Variants in SPATA13 observed in about 807,000 individuals in gnomAD.
SPATA13 encodes the protein spermatogenesis-associated protein 13.
A neutral mutation model predicts 104.0 loss-of-function variants in SPATA13; 50 were observed. The ratio of observed to expected loss-of-function variants is 0.48; its 90% confidence interval spans 0.38 to 0.61. SPATA13 has a LOEUF of 0.61. SPATA13 is among the 20% of genes least tolerant of loss of function. The pLI is 0.00. For synonymous variants in SPATA13, 606 were observed against 667.5 expected (o/e 0.91, Z 1.42); for missense variants, 1,524 against 1,690.6 (o/e 0.90, Z 1.73).
chr13:24,268,061 G>A (rs1874376868), intron 4 of SPATA13, among the ~76,000 whole-genome samples: 1 of 152,188 alleles, frequency 6.6e-6, no homozygotes, highest in Non-Finnish European at 1.5e-5. Context: ...CAAGGCCAGA[G>A]GATACTTTCT....
intron 4 of SPATA13, among the ~76,000 whole-genome samples, chr13:24,268,288 G>T (rs568695768): frequency 6.6e-6 from 1 of 152,280 alleles, no homozygotes; most frequent in South Asian, 2.1e-4. Context: ...TATTCCATGA[G>T]ATATACTTAG....
chr13:24,301,081 TAAG>T (rs1463558195), intron 12 of SPATA13, among the ~76,000 whole-genome samples: 1 of 152,190 alleles, frequency 6.6e-6, no homozygotes, highest in Non-Finnish European at 1.5e-5. Flanking sequence ...TCTGATGCAC[TAAG>T]ATTTGTCCAC....
chr13:24,289,231 G>C, intron 8 of SPATA13, 53 bp downstream of exon 8: 1 of 1,451,926 alleles, frequency 6.9e-7, no homozygotes, highest in Non-Finnish European at 9.4e-7. Flanking sequence ...TAATTTTGAA[G>C]TGCATCTCCA....
chr13:24,213,095 G>A (rs1264394919), intron 1 of SPATA13, among the ~76,000 whole-genome samples: 2 of 152,224 alleles, frequency 1.3e-5, no homozygotes, highest in Non-Finnish European at 2.9e-5. Context: ...ACTCCTGCAC[G>A]GAGAAGTTGG....
In SPATA13 at chr13:24,011,954, G is replaced by A. The variant is rs532305356; in HGVS notation, c.-146-5713G>A. 2.0e-5 allele frequency among the ~76,000 whole-genome samples: 3 copies of A among 152,288 alleles called. No homozygotes were observed. The highest frequency in any genetic ancestry group is 4.4e-5 in the Non-Finnish European group (3 of 68,020). On this transcript the variant is annotated intron_variant, in intron 2 of 14. Coordinates refer to the SPATA13 transcript ENST00000424834. This position sits in a 1 kb window ranked among gnomAD's most constrained non-coding sequence, Gnocchi z 4.3. ...AATGTGCACCTCCGCCTCCCCCTAC[G>A]GATTGTAAAACTCACAGGCACAGGG...
At chr13:24,299,410 C>T (rs925483079) in intron 11 of SPATA13, among the ~76,000 whole-genome samples, 2 of 152,152 alleles carry the variant, frequency 1.3e-5, no homozygotes, top group Non-Finnish European at 2.9e-5. Context: ...TTCCTTGCCT[C>T]GAATATTTTG....
intron 12 of SPATA13, among the ~76,000 whole-genome samples, chr13:24,302,120 G>A (rs1251896303): frequency 3.9e-5 from 6 of 152,088 alleles, no homozygotes; most frequent in South Asian, 2.1e-4. Flanking sequence ...CCCGCTGCAC[G>A]TCCTGGCATT....
At chr13:24,262,026 G>A (rs1305949768) in intron 4 of SPATA13, among the ~76,000 whole-genome samples, 1 of 152,190 alleles carries the variant, frequency 6.6e-6, no homozygotes, top group Non-Finnish European at 1.5e-5. Context: ...TAGTATGAAT[G>A]TGTCAGCGTT....
chr13:24,140,048 GAC>G (rs1371134624), intron 3 of SPATA13, among the ~76,000 whole-genome samples: 1 of 145,614 alleles, frequency 6.9e-6, no homozygotes, highest in Non-Finnish European at 1.5e-5. Context: ...CAGCCTGGGT[GAC>G]AGAGTGAGAC....
intron 3 of SPATA13, among the ~76,000 whole-genome samples, chr13:24,110,658 C>T (rs1178921460): frequency 2.0e-5 from 3 of 152,254 alleles, no homozygotes; most frequent in African/African-American, 7.2e-5. Context: ...CTAGATCCTG[C>T]GGACACAGAA....
At chr13:24,255,483 A>T (rs1485787518) in intron 4 of SPATA13, among the ~76,000 whole-genome samples, 1 of 151,844 alleles carries the variant, frequency 6.6e-6, no homozygotes, top group Non-Finnish European at 1.5e-5. Context: ...ACAACCAGAG[A>T]TTTCACAGGT....
At position 24,244,768 on chromosome 13, in the gene SPATA13, C is replaced by T. The variant is rs76020214; in HGVS notation, c.1654-4709C>T. On this transcript the variant is annotated intron_variant, in intron 2 of 12. Coordinates refer to ENST00000382108, the MANE Select transcript of SPATA13 (RefSeq NM_001166271.3). The stretch of plus-strand genomic sequence containing the variant: ...GTCCCAGCTTCCTGGGAAGCTGACA[C>T]GGGAGGATCACCTGAGCCCAGGAGG... Among the ~76,000 whole-genome samples the T allele has an allele frequency of 5.0e-3, 755 of 152,264 alleles. 44 individuals are homozygous for T. In the East Asian group the frequency reaches 0.11, roughly 22 times the overall value.
intron 3 of SPATA13, among the ~76,000 whole-genome samples, chr13:24,059,344 G>C (rs886855955): frequency 1.3e-5 from 2 of 150,400 alleles, no homozygotes; most frequent in Non-Finnish European, 3.0e-5. Context: ...AAAAAAAAAG[G>C]CTTGTCTTTG....
At chr13:24,202,373 TGTG>T (rs922896369) in intron 1 of SPATA13, among the ~76,000 whole-genome samples, 6 of 152,018 alleles carry the variant, frequency 3.9e-5, no homozygotes, top group Non-Finnish European at 8.8e-5. Flanking sequence ...CAGCAGTAAA[TGTG>T]GTGCCCACAG....
chr13:24,107,712 G>C (rs987677122), intron 3 of SPATA13, among the ~76,000 whole-genome samples: 1 of 152,082 alleles, frequency 6.6e-6, no homozygotes, highest in African/African-American at 2.4e-5. Context: ...CTATAGACTT[G>C]GTAAGAAAGA....
intron 2 of SPATA13, among the ~76,000 whole-genome samples, chr13:24,247,939 G>A (rs1229071377): frequency 2.6e-5 from 4 of 152,268 alleles, no homozygotes; most frequent in East Asian, 3.9e-4. Context: ...GAGGGAGCCG[G>A]TGGGCTGCGG....
chr13:24,194,285 A>C (rs1016629501), intron 1 of SPATA13, among the ~76,000 whole-genome samples: 5 of 152,232 alleles, frequency 3.3e-5, no homozygotes, highest in African/African-American at 1.2e-4. Context: ...CATCATTTCA[A>C]ATATATGACT....
At chr13:24,233,867 A>G (rs574210210) in intron 2 of SPATA13, among the ~76,000 whole-genome samples, 2 of 146,252 alleles carry the variant, frequency 1.4e-5, no homozygotes, top group South Asian at 2.2e-4. Flanking sequence ...CTGACAGGCT[A>G]CAGAACTTTA....
intron 8 of SPATA13, 139 bp downstream of exon 8, chr13:24,289,317 A>G (rs1365581048): frequency 3.0e-5 from 21 of 688,774 alleles, no homozygotes; most frequent in South Asian, 2.0e-4. Context: ...TGTTTCTTCT[A>G]TCTTATATGC....
Sources: allele counts gnomAD v4.1 joint callset (sites outside exome capture counted in the v4.1 genomes callset), GRCh38; gene constraint gnomAD v4.1.1; non-coding constraint Gnocchi (gnomAD v3.1); transcripts MANE v1.5; gene names NCBI Gene and HGNC (gene_info 2026-07-23, HGNC 2026-07-21).